Variants in SCAF11 observed in about 807,000 individuals in gnomAD.
The protein encoded by SCAF11 is SR-related CTD associated factor 11.
SCAF11 carries 47 observed loss-of-function variants against 140.5 expected under a neutral mutation model. That is an observed-to-expected ratio of 0.33 (90% CI 0.26 to 0.43). SCAF11 has a LOEUF of 0.43. SCAF11 is among the 20% of genes least tolerant of loss of function. The probability of loss-of-function intolerance (pLI) is 1.00; values close to 1 mark genes in which losing one functional copy is unlikely to be tolerated. For synonymous variants in SCAF11, 557 were observed against 579.4 expected, an observed-to-expected ratio of 0.96 and a Z score of 0.55; for missense variants, 1,645 against 1,705.1, an observed-to-expected ratio of 0.96 and a Z score of 0.62.
At chr12:45,970,663 A>T (rs983204247) in intron 1 of SCAF11, among the ~76,000 whole-genome samples, 2 of 152,242 alleles carry the variant, frequency 1.3e-5, no homozygotes, top group African/African-American at 4.8e-5. Flanking sequence ...AATTTCTAGG[A>T]ATCTTTCATA....
intron 3 of SCAF11, among the ~76,000 whole-genome samples, chr12:45,952,353 T>A (rs1945570175): frequency 6.6e-6 from 1 of 152,198 alleles, no homozygotes; most frequent in Non-Finnish European, 1.5e-5. Context: ...AGCTGCCTTA[T>A]CCTTAACAGA....
intron 4 of SCAF11, 39 bp from the exon 5 acceptor site, chr12:45,948,576 G>T: frequency 8.1e-7 from 1 of 1,239,822 alleles, no homozygotes; most frequent in Non-Finnish European, 1.2e-6. Flanking sequence ...CAACAATCCA[G>T]CCTTACAAAT....
At chr12:45,972,931 T>TATATAG (rs1565689031) in intron 1 of SCAF11, among the ~76,000 whole-genome samples, 9 of 76,222 alleles carry the variant, frequency 1.2e-4, no homozygotes, top group African/African-American at 1.6e-4. Flanking sequence ...GATATATAGA[T>TATATAG]ATATATAGAT....
chr12:45,988,130 A>G (rs1344798164), intron 1 of SCAF11, among the ~76,000 whole-genome samples: 1 of 152,234 alleles, frequency 6.6e-6, no homozygotes, highest in Non-Finnish European at 1.5e-5. Context: ...ACAGAGTATA[A>G]TTAAAAATCT....
At chr12:45,938,289 AGACCAG>A (rs1945216164) in intron 6 of SCAF11, among the ~76,000 whole-genome samples, 2 of 152,284 alleles carry the variant, frequency 1.3e-5, no homozygotes, top group African/African-American at 2.4e-5. Flanking sequence ...CAGGAGTTCG[AGACCAG>A]CCTGGCCAAC....
At chr12:45,924,367 C>A (rs564770680) in intron 12 of SCAF11, among the ~76,000 whole-genome samples, 13 of 152,128 alleles carry the variant, frequency 8.5e-5, no homozygotes, top group Non-Finnish European at 1.5e-4. Flanking sequence ...CTAGTTCCCA[C>A]CGTCCCCATA....
At chr12:45,991,388 G>C (rs769192866), upstream of SCAF11, among the ~76,000 whole-genome samples, 1 of 152,172 alleles carries the variant, frequency 6.6e-6, no homozygotes, top group Non-Finnish European at 1.5e-5. Flanking sequence ...GACGTATTAA[G>C]ATCTCGTTTC....
rs1450733011 is a variant in SCAF11 at position 45,928,114 on chromosome 12, T to C, written c.1587A>G (p.Ile529Met). The part of the protein sequence containing the change: ...GGDPLEKQDQ[I>M]SGLSQSEVKT... The stretch of plus-strand genomic sequence containing the variant: ...TTACCTCTGATTGTGAAAGTCCAGA[T>C]ATCTGGTCTTGCTTTTCCAATGGAT... Residue 529 changes from isoleucine (I) to methionine (M), a missense_variant, in exon 11 of 15, where the codon ATA (isoleucine) becomes ATG (methionine). Ile to Met is a conservative substitution (Grantham distance 10). This residue lies in a region of SCAF11 where 1,582 missense variants were observed against 1,609.2 expected (regional missense o/e 0.98). Coordinates refer to ENST00000369367, the MANE Select transcript of SCAF11 (RefSeq NM_004719.3). 1.2e-6 allele frequency: 2 copies of C among 1,613,892 alleles called. No individual in the cohort carries two copies. Among genetic ancestry groups the C allele is most frequent in the Non-Finnish European group, 8.5e-7 (1 of 1,179,998 alleles).
Position 45,990,540 on chromosome 12 carries a change from T to C in SCAF11, c.-209A>G. 1 of 1,231,844 alleles carries C rather than the reference T, an allele frequency of 8.1e-7. No homozygotes were observed. Among genetic ancestry groups the C allele is most frequent in the East Asian group, 3.2e-5 (1 of 31,680 alleles). The allele number at this position is 1,231,844 out of a possible 1,614,324, so 76.3% of individuals were successfully genotyped here. A position where few individuals can be genotyped will look rare whatever the true frequency, so the allele number is the denominator to read the frequency against. On this transcript the variant is annotated 5_prime_UTR_variant, in exon 1 of 15. Transcript: ENST00000369367. The stretch of plus-strand genomic sequence containing the variant: ...CGGCGAAGCAGGGAGCGACCCAGGT[T>C]GCGCTGCTCCGCGCGGCTTAAGCCA...
At position 45,928,533 on chromosome 12, in the gene SCAF11, G is replaced by A. The variant is rs1944957895; in HGVS notation, c.1168C>T (p.Leu390Phe). Residue 390 changes from leucine (L) to phenylalanine (F), a missense_variant, in exon 11 of 15, where the codon CTT becomes TTT. Physicochemically the swap from Leu to Phe is conservative, Grantham distance 22. Transcript: ENST00000369367. The stretch of plus-strand genomic sequence containing the variant: ...TCAGGGGCAGCTACAGAGCTCCGAA[G>A]TTTCTTTTTCAGTAAAGGTGGTTTT... ...GRKPPLLKKK[L>F]RSSVAAPEKS... 1 of 1,614,096 alleles carries A rather than the reference G, an allele frequency of 6.2e-7. No individual in the cohort carries two copies. The highest frequency in any genetic ancestry group is 8.5e-7 in the Non-Finnish European group (1 of 1,179,996).
At chr12:45,978,185 T>C (rs1946276951) in intron 1 of SCAF11, among the ~76,000 whole-genome samples, 1 of 152,204 alleles carries the variant, frequency 6.6e-6, no homozygotes, top group Admixed American at 6.5e-5. Flanking sequence ...AACAGTAGCA[T>C]ATGTCCTTTG....
In SCAF11 at chr12:45,945,306, C is replaced by A; in HGVS notation, c.406G>T (p.Ala136Ser). 6.4e-7 allele frequency: 1 copy of A among 1,563,770 alleles called. No individual in the cohort carries two copies. Reference protein sequence around the residue: ...ENSKSCIRRKAIVREDLLSAK... With the variant: ...ENSKSCIRRKSIVREDLLSAK... ...CTTAATAGATCTTCTCTTACGATGG[C>A]TTTTCTTCTGTAAACATCAATAAAG... The change falls in exon 6 of 15, where the codon GCC (alanine) becomes TCC (serine). Residue 136 changes from alanine (A) to serine (S), a missense_variant. Around this residue, in one of 2 missense-constraint regions of SCAF11, gnomAD observed 1,582 missense variants for 1,609.2 expected, o/e 0.98. Transcript: ENST00000369367.
chr12:45,951,109 T>A (rs1018134706), intron 4 of SCAF11, among the ~76,000 whole-genome samples: 3 of 152,044 alleles, frequency 2.0e-5, no homozygotes, highest in Non-Finnish European at 2.9e-5. Flanking sequence ...CTCACAACAG[T>A]AAGTAACATT....
At chr12:45,944,820 C>A (rs995243384) in intron 6 of SCAF11, among the ~76,000 whole-genome samples, 1 of 152,150 alleles carries the variant, frequency 6.6e-6, no homozygotes, top group East Asian at 1.9e-4. Flanking sequence ...AGAAGTAAGG[C>A]TAGAGGCCAA....
intron 9 of SCAF11, 48 bp from the exon 10 acceptor site, chr12:45,931,660 AACC>A (rs1372142382): frequency 1.0e-6 from 1 of 983,226 alleles, no homozygotes; most frequent in Admixed American, 2.9e-5. Flanking sequence ...TAAAAAATTA[AACC>A]ACCAATTTAA....
At chr12:45,974,357 T>TC in intron 1 of SCAF11, 1 of 392,196 alleles carries the variant, frequency 2.5e-6, no homozygotes, top group South Asian at 1.9e-5. Flanking sequence ...GAGATAACAT[T>TC]CAAGTATGCC....
In SCAF11 at chr12:45,928,507, T is replaced by G. The variant is rs1405866273; in HGVS notation, c.1194A>C (p.Glu398Asp). Residue 398 changes from glutamate (E) to aspartate (D), a missense_variant, in exon 11 of 15, where the codon GAA becomes GAC. Physicochemically the swap from Glu to Asp is conservative, Grantham distance 45. Coordinates refer to ENST00000369367, the MANE Select transcript of SCAF11 (RefSeq NM_004719.3). ...KKLRSSVAAP[E>D]KSSSNDSVDE... ...CTACTGAATCATTGGAAGATGATTT[T>G]TCAGGGGCAGCTACAGAGCTCCGAA... is the stretch of plus-strand genomic sequence containing the variant. 1 of 1,613,586 alleles carries G rather than the reference T, an allele frequency of 6.2e-7. No individual in the cohort carries two copies. Among genetic ancestry groups the G allele is most frequent in the Non-Finnish European group, 8.5e-7 (1 of 1,179,848 alleles).
intron 6 of SCAF11, among the ~76,000 whole-genome samples, chr12:45,937,707 TAATC>T (rs563684131): frequency 8.1e-4 from 123 of 152,336 alleles, no homozygotes; most frequent in African/African-American, 2.8e-3. Flanking sequence ...AAAATTATAA[TAATC>T]AAGACTGCCA....
At chr12:45,959,321 A>AT (rs944744377) in intron 3 of SCAF11, among the ~76,000 whole-genome samples, 18 of 152,258 alleles carry the variant, frequency 1.2e-4, no homozygotes, top group Admixed American at 3.3e-4. Context: ...CCACAAACCA[A>AT]TTTTTTAAAA....
Sources: gnomAD v4.1 joint callset for allele counts (sites outside exome capture counted in the v4.1 genomes callset) on GRCh38, gnomAD v4.1.1 for gene constraint, gnomAD v4.1.1 regional missense constraint, MANE v1.5 for transcripts, NCBI Gene and HGNC (gene_info 2026-07-23, HGNC 2026-07-21) for gene names.